DOCK1: variants seen among roughly 807,000 people sequenced by gnomAD.
DOCK1 encodes dedicator of cytokinesis protein 1.
A neutral mutation model predicts 262.7 loss-of-function variants in DOCK1; 138 were observed. That is an observed-to-expected ratio of 0.53 (90% CI 0.46 to 0.61). The LOEUF (loss-of-function observed/expected upper bound fraction) is 0.61. Among genes scored for constraint, DOCK1 ranks in the 20% least tolerant of loss-of-function variants. DOCK1 has a pLI of 0.00. For synonymous variants in DOCK1, 866 were observed against 867.4 expected (o/e 1.00, Z 0.03); for missense variants, 1,908 against 2,370.7 (o/e 0.80, Z 4.05).
At chr10:127,354,451 A>G (rs1946263860) in intron 31 of DOCK1, among the ~76,000 whole-genome samples, 1 of 152,118 alleles carries the variant, frequency 6.6e-6, no homozygotes, top group Non-Finnish European at 1.5e-5. Context: ...CACCGGGGGG[A>G]AGATGTTGTG....
intron 13 of DOCK1, 120 bp from the exon 14 acceptor site, chr10:127,023,080 C>A: frequency 8.6e-7 from 1 of 1,165,222 alleles, no homozygotes; most frequent in Non-Finnish European, 1.2e-6. Flanking sequence ...GAAAATATTT[C>A]ATAATCATCT....
intron 27 of DOCK1, among the ~76,000 whole-genome samples, chr10:127,138,398 C>T (rs1185443641): frequency 1.3e-5 from 2 of 152,134 alleles, no homozygotes; most frequent in Non-Finnish European, 2.9e-5. Context: ...CAGGGGTCAC[C>T]TTAGTACATC....
chr10:127,204,317 C>T (rs2057614157), intron 27 of DOCK1, among the ~76,000 whole-genome samples: 1 of 152,152 alleles, frequency 6.6e-6, no homozygotes, highest in Non-Finnish European at 1.5e-5. Context: ...GATGGAGTCT[C>T]ACTCTGTCAC....
intron 32 of DOCK1, among the ~76,000 whole-genome samples, chr10:127,358,936 C>G (rs1187102079): frequency 6.6e-6 from 1 of 152,100 alleles, no homozygotes; most frequent in Admixed American, 6.6e-5. Context: ...CGTTCTGTAA[C>G]TAAAATAGAC....
At chr10:126,948,702 C>T (rs1224056301) in intron 1 of DOCK1, among the ~76,000 whole-genome samples, 2 of 152,010 alleles carry the variant, frequency 1.3e-5, no homozygotes, top group Non-Finnish European at 2.9e-5. Flanking sequence ...CTCTCGGAGC[C>T]TGTGATGCGG....
At chr10:127,245,048 A>T (rs748862031) in intron 27 of DOCK1, among the ~76,000 whole-genome samples, 2 of 152,078 alleles carry the variant, frequency 1.3e-5, no homozygotes, top group Admixed American at 6.5e-5. Flanking sequence ...TTCCATAAAT[A>T]CCCGTTTTAT....
chr10:126,949,581 A>G (rs2036001622), intron 1 of DOCK1, among the ~76,000 whole-genome samples: 1 of 152,058 alleles, frequency 6.6e-6, no homozygotes, highest in Non-Finnish European at 1.5e-5. Context: ...ACATGGTTGG[A>G]TCTCTCTGTG....
intron 38 of DOCK1, among the ~76,000 whole-genome samples, chr10:127,399,527 T>C (rs2067100707): frequency 6.6e-6 from 1 of 150,704 alleles, no homozygotes; most frequent in South Asian, 2.1e-4. Flanking sequence ...GGAAATCTGA[T>C]AGAAGATACC....
At chr10:127,310,161 C>T (rs912474967) in intron 29 of DOCK1, among the ~76,000 whole-genome samples, 1 of 152,182 alleles carries the variant, frequency 6.6e-6, no homozygotes, top group Non-Finnish European at 1.5e-5. Flanking sequence ...AAGCGTGAGC[C>T]ACTGCGCCCG....
intron 10 of DOCK1, among the ~76,000 whole-genome samples, chr10:127,003,421 G>A (rs147264711): frequency 6.6e-6 from 1 of 152,238 alleles, no homozygotes; most frequent in East Asian, 1.9e-4. Flanking sequence ...GTTTTCCTCT[G>A]TGGGAAGATT....
Position 127,110,282 on chromosome 10 carries a change from A to T in DOCK1, c.2551A>T (p.Met851Leu), listed in dbSNP as rs912296017. 2.5e-6 allele frequency: 4 copies of T among 1,613,554 alleles called. No individual in the cohort carries two copies. The African/African-American group carries it at 5.3e-5, about 22-fold the overall frequency. The change falls in exon 25 of 52, where the codon ATG becomes TTG. Residue 851 changes from methionine to leucine, a missense_variant. Transcript: ENST00000623213. ...MFTEFILNVP[M>L]GLLTIQKLYC... ...TACTGAATTCATCCTCAATGTTCCC[A>T]TGGGCTTGCTGACCATCCAGAAACT...
intron 38 of DOCK1, among the ~76,000 whole-genome samples, chr10:127,398,995 C>T (rs1007901437): frequency 6.6e-6 from 1 of 152,142 alleles, no homozygotes; most frequent in African/African-American, 2.4e-5. Context: ...AGTTTCTATT[C>T]ATGGAACTTG....
At chr10:127,260,322 C>G (rs948267183) in intron 29 of DOCK1, among the ~76,000 whole-genome samples, 2 of 152,328 alleles carry the variant, frequency 1.3e-5, no homozygotes, top group South Asian at 4.1e-4. Flanking sequence ...TTGGATGAGA[C>G]TTCTGAGGAT....
intron 29 of DOCK1, among the ~76,000 whole-genome samples, chr10:127,258,554 G>A (rs139048726): frequency 0.01 from 1,533 of 152,328 alleles, 14 homozygotes; most frequent in Non-Finnish European, 0.016. Flanking sequence ...GTTGAAGGAC[G>A]TCTGGGCTAT....
intron 29 of DOCK1, among the ~76,000 whole-genome samples, chr10:127,269,425 G>C (rs2060484174): frequency 6.6e-6 from 1 of 152,136 alleles, no homozygotes; most frequent in Admixed American, 6.5e-5. Context: ...ACAATTCTTT[G>C]CTTTCATAGA....
intron 25 of DOCK1, among the ~76,000 whole-genome samples, chr10:127,119,962 C>G (rs1006491843): frequency 2.6e-5 from 4 of 152,222 alleles, no homozygotes; most frequent in Non-Finnish European, 5.9e-5. Context: ...ATCATCCTGG[C>G]TTCGGCCCTT....
At chr10:127,099,588 G>C (rs1437442451) in intron 23 of DOCK1, among the ~76,000 whole-genome samples, 1 of 152,138 alleles carries the variant, frequency 6.6e-6, no homozygotes, top group Non-Finnish European at 1.5e-5. Flanking sequence ...TGGCAAGAGA[G>C]GGAACAAGAG....
intron 19 of DOCK1, among the ~76,000 whole-genome samples, chr10:127,039,524 C>T (rs2043877561): frequency 6.6e-6 from 1 of 152,194 alleles, no homozygotes; most frequent in African/African-American, 2.4e-5. Flanking sequence ...TCCTTTCTTC[C>T]TGTGCGTGCT....
chr10:126,937,300 G>C (rs1405771872), intron 1 of DOCK1, among the ~76,000 whole-genome samples: 3 of 152,192 alleles, frequency 2.0e-5, no homozygotes, highest in Non-Finnish European at 4.4e-5. Context: ...GAACATGGGT[G>C]TACAAATATC....
Sources: gnomAD v4.1 joint callset for allele counts (sites outside exome capture counted in the v4.1 genomes callset) on GRCh38, gnomAD v4.1.1 for gene constraint, MANE v1.5 for transcripts, NCBI Gene and HGNC (gene_info 2026-07-23, HGNC 2026-07-21) for gene names.